RAD51B: variants seen among roughly 807,000 people sequenced by gnomAD.
The protein encoded by RAD51B is DNA repair protein RAD51 homolog 2.
Under a neutral mutation model 42.2 loss-of-function variants are expected in RAD51B, and 38 were observed. That is an observed-to-expected ratio of 0.90 (90% confidence interval 0.70 to 1.18). The LOEUF is 1.18. RAD51B is among the 50% of genes most tolerant of loss of function. RAD51B has a pLI of 0.00. For missense variants in RAD51B, 373 were observed against 400.7 expected (o/e 0.93, Z 0.59); for synonymous variants, 154 against 145.2 (o/e 1.06, Z -0.43).
At chr14:68,626,046 G>C (rs547753844) in intron 10 of RAD51B, among the ~76,000 whole-genome samples, 4 of 152,226 alleles carry the variant, frequency 2.6e-5, no homozygotes, top group African/African-American at 4.8e-5. Flanking sequence ...TCAAGATGCT[G>C]TTCCAGCAGT....
At chr14:68,650,469 T>G (rs1186283393) in intron 10 of RAD51B, among the ~76,000 whole-genome samples, 1 of 152,202 alleles carries the variant, frequency 6.6e-6, no homozygotes, top group Non-Finnish European at 1.5e-5. Context: ...GAAAACTCAG[T>G]TTCCTCAAAT....
At chr14:68,357,585 G>C (rs1398165334) in intron 8 of RAD51B, among the ~76,000 whole-genome samples, 3 of 151,982 alleles carry the variant, frequency 2.0e-5, no homozygotes, top group Admixed American at 2.0e-4. Flanking sequence ...CTTACAAATT[G>C]TATTTCTTAA....
chr14:68,418,221 A>G (rs1184593952), intron 9 of RAD51B, among the ~76,000 whole-genome samples: 3 of 152,226 alleles, frequency 2.0e-5, no homozygotes, highest in Admixed American at 6.5e-5. Flanking sequence ...AAAAAGTAGA[A>G]AGGACATATC....
intron 7 of RAD51B, among the ~76,000 whole-genome samples, chr14:68,224,456 T>C (rs1245605396): frequency 6.6e-6 from 1 of 152,158 alleles, no homozygotes; most frequent in African/African-American, 2.4e-5. Flanking sequence ...TGAGCAGCAG[T>C]CAAAATTTTA....
At chr14:68,056,737 G>A (rs895641514) in intron 7 of RAD51B, among the ~76,000 whole-genome samples, 4 of 151,502 alleles carry the variant, frequency 2.6e-5, no homozygotes, top group Non-Finnish European at 5.9e-5. Context: ...GACAGACCAA[G>A]ACTCCGTCTC....
rs12890062 is a variant in RAD51B, at chr14:68,302,912, C to T, written c.853+10932C>T. Among the ~76,000 whole-genome samples the T allele has an allele frequency of 6.2e-3, 938 of 152,264 alleles. 10 individuals carry two copies. Among genetic ancestry groups the T allele is most frequent in the Non-Finnish European group, 8.0e-3 (547 of 68,030 alleles). ...TTCCCATAAACCCACAACCTTCCAGCGTGGGCATTATGGCCATCATGAACA... is the reference window on the plus strand; with the variant it reads ...TTCCCATAAACCCACAACCTTCCAGTGTGGGCATTATGGCCATCATGAACA... On this transcript the variant is annotated intron_variant, in intron 8 of 10. Transcript: ENST00000471583.
chr14:68,298,905 A>G (rs1254147047), intron 8 of RAD51B, among the ~76,000 whole-genome samples: 1 of 152,190 alleles, frequency 6.6e-6, no homozygotes, highest in East Asian at 1.9e-4. Flanking sequence ...GTAATGTGGC[A>G]TGAAGCGTCT....
At chr14:67,914,301 C>T (rs942169181) in intron 7 of RAD51B, among the ~76,000 whole-genome samples, 2 of 152,110 alleles carry the variant, frequency 1.3e-5, no homozygotes, top group Non-Finnish European at 2.9e-5. Flanking sequence ...TAATTTTTAG[C>T]TCCCATAAAT....
At chr14:68,193,194 A>C (rs765405670) in intron 7 of RAD51B, among the ~76,000 whole-genome samples, 10 of 152,132 alleles carry the variant, frequency 6.6e-5, no homozygotes, top group Non-Finnish European at 1.5e-4. Flanking sequence ...CCAGACTAGA[A>C]TTCTTTCCTC....
intron 10 of RAD51B, chr14:68,497,647 C>A: frequency 1.7e-6 from 1 of 586,456 alleles, no homozygotes; most frequent in Non-Finnish European, 2.3e-6. Context: ...TTCATCACCC[C>A]AAAAGCAAGA....
intron 8 of RAD51B, among the ~76,000 whole-genome samples, chr14:68,344,957 A>AC (rs2082648378): frequency 6.6e-6 from 1 of 151,850 alleles, no homozygotes; most frequent in South Asian, 2.1e-4. Flanking sequence ...AAAAAAAAAA[A>AC]AAAAAAAAAA....
chr14:68,419,611 G>A (rs970102684), intron 9 of RAD51B, among the ~76,000 whole-genome samples: 1 of 152,146 alleles, frequency 6.6e-6, no homozygotes, highest in African/African-American at 2.4e-5. Flanking sequence ...CCACAGGGCT[G>A]GCTATGCTAC....
At chr14:68,075,649 A>G (rs2076820992) in intron 7 of RAD51B, among the ~76,000 whole-genome samples, 1 of 152,130 alleles carries the variant, frequency 6.6e-6, no homozygotes, top group Non-Finnish European at 1.5e-5. Context: ...AGGGGCTGGC[A>G]GCTGCCTTTG....
chr14:67,961,002 G>GTTCA (rs921495826), intron 7 of RAD51B, among the ~76,000 whole-genome samples: 3 of 151,882 alleles, frequency 2.0e-5, no homozygotes, highest in East Asian at 3.9e-4. Flanking sequence ...TTGTTCGTTT[G>GTTCA]TTCATTCATT....
chr14:68,014,142 A>G (rs2075734549), intron 7 of RAD51B, among the ~76,000 whole-genome samples: 1 of 150,814 alleles, frequency 6.6e-6, no homozygotes, highest in Non-Finnish European at 1.5e-5. Context: ...TATTATGAAG[A>G]TATTTTATCA....
intron 7 of RAD51B, among the ~76,000 whole-genome samples, chr14:68,090,563 G>A (rs906215358): frequency 2.3e-4 from 35 of 152,042 alleles, no homozygotes; most frequent in African/African-American, 8.2e-4. Flanking sequence ...GCAAATGTGT[G>A]ATGTTATTTT....
At chr14:67,884,157 A>G (rs923863227) in intron 5 of RAD51B, among the ~76,000 whole-genome samples, 7 of 152,228 alleles carry the variant, frequency 4.6e-5, no homozygotes, top group Admixed American at 3.9e-4. Context: ...AAATTACAGC[A>G]TATTGGTGTG....
chr14:68,287,745 C>CA (rs2081439933), intron 7 of RAD51B, among the ~76,000 whole-genome samples: 1 of 152,184 alleles, frequency 6.6e-6, no homozygotes, highest in Non-Finnish European at 1.5e-5. Flanking sequence ...AAAAGGGAAT[C>CA]AGGCATGGGT....
At chr14:68,585,454 G>A (rs1335438232) in intron 10 of RAD51B, among the ~76,000 whole-genome samples, 1 of 152,176 alleles carries the variant, frequency 6.6e-6, no homozygotes, top group Non-Finnish European at 1.5e-5. Flanking sequence ...GCCCCAGGCG[G>A]GAGGCTGATG....
Sources: gnomAD v4.1 joint callset for allele counts (sites outside exome capture counted in the v4.1 genomes callset) on GRCh38, gnomAD v4.1.1 for gene constraint, MANE v1.5 for transcripts, NCBI Gene and HGNC (gene_info 2026-07-23, HGNC 2026-07-21) for gene names.